The following MUC17 variants were observed in gnomAD, a reference collection of about 807,000 sequenced individuals.
MUC17 encodes mucin-17.
In MUC17, 190 loss-of-function variants were observed where a neutral mutation model predicts 170.3. The observed-to-expected ratio is 1.12, with a 90% CI of 0.99 to 1.26. MUC17 has a LOEUF of 1.26. Ranked by LOEUF, MUC17 falls within the 50% of genes most tolerant of loss-of-function variation. The pLI, the probability that MUC17 is intolerant of heterozygous loss-of-function variation, is 0.00. For synonymous variants in MUC17, 2,325 were observed against 2,002.5 expected (o/e 1.16, Z -4.30); for missense variants, 6,415 against 5,530.0 (o/e 1.16, Z -5.08).
Position 101,037,721 on chromosome 7 carries a change from C to T in MUC17, c.6305C>T (p.Pro2102Leu). 5 of 1,613,426 alleles carry T rather than the reference C, an allele frequency of 3.1e-6. No homozygotes were observed. Among genetic ancestry groups the T allele is most frequent in the Non-Finnish European group, 4.2e-6 (5 of 1,179,824 alleles). ...MTISAPSEGSPLLTSIPLSTT... is the reference protein window; with the variant it reads ...MTISAPSEGSLLLTSIPLSTT... ...ATCTCAGCTCCTAGTGAAGGAAGTC[C>T]TCTACTAACAAGTATACCTCTCAGC... Residue 2102 changes from proline (P) to leucine (L), a missense_variant, in exon 3 of 13, where the codon CCT becomes CTT. Pro to Leu is a moderately conservative substitution (Grantham distance 98). Coordinates refer to ENST00000306151, the MANE Select transcript of MUC17 (RefSeq NM_001040105.2).
intron 11 of MUC17, 128 bp from the exon 12 acceptor site, chr7:101,056,066 C>G: frequency 7.6e-7 from 1 of 1,318,146 alleles, no homozygotes; most frequent in Non-Finnish European, 1.0e-6. Flanking sequence ...GTCACATTTT[C>G]AAGGGTTTGC....
At position 101,038,322 on chromosome 7, in the gene MUC17, T is replaced by C; in HGVS notation, c.6906T>C (p.Thr2302=). 1 of 1,613,288 alleles carries C rather than the reference T, an allele frequency of 6.2e-7. No individual in the cohort carries two copies. The highest frequency in any genetic ancestry group is 1.1e-5 in the South Asian group (1 of 91,026). The part of the protein sequence containing the change: ...ANSEVSTLST[T]PVDSNTPFTT... ...CTGAGGTTAGCACCCTTTCAACAAC[T>C]CCTGTTGACTCCAACACTCCTTTCA... Residue 2302 remains threonine (T), a synonymous_variant, in exon 3 of 13, where the codon ACT becomes ACC. Coordinates refer to ENST00000306151, the MANE Select transcript of MUC17 (RefSeq NM_001040105.2).
At chr7:101,049,446 G>A in intron 6 of MUC17, 64 bp downstream of exon 6, 2 of 1,569,048 alleles carry the variant, frequency 1.3e-6, no homozygotes, top group East Asian at 4.5e-5. Flanking sequence ...AGTTATAAAG[G>A]CAATTAGAAC....
chr7:101,054,183 A>G (rs1399426699), intron 11 of MUC17, among the ~76,000 whole-genome samples: 2 of 151,802 alleles, frequency 1.3e-5, no homozygotes, highest in African/African-American at 4.8e-5. Context: ...CTCCACAGCT[A>G]AAACCTTATT....
chr7:101,042,047 C>G lies in MUC17; in HGVS notation c.10631C>G (p.Ser3544Cys), dbSNP rs1201990402. ...ACCCTTTCAACAACTCCTGTTGACTCCAACACTTTTGTTACCAGTTCTAGT... is the reference window on the plus strand; with the variant it reads ...ACCCTTTCAACAACTCCTGTTGACTGCAACACTTTTGTTACCAGTTCTAGT... ...ASTLSTTPVD[S>C]NTFVTSSSQA... Residue 3544 changes from serine to cysteine, a missense_variant, in exon 3 of 13, where the codon TCC (serine) becomes TGC (cysteine). Ser to Cys is a moderately radical substitution (Grantham distance 112, BLOSUM62 -1). Coordinates refer to ENST00000306151, the MANE Select transcript of MUC17 (RefSeq NM_001040105.2). 2.5e-6 allele frequency: 4 copies of G among 1,613,574 alleles called. No individual in the cohort carries two copies. Among genetic ancestry groups the G allele is most frequent in the Non-Finnish European group, 2.5e-6 (3 of 1,179,904 alleles).
chr7:101,041,422 A>C lies in MUC17; in HGVS notation c.10006A>C (p.Ser3336Arg). The change falls in exon 3 of 13, where the codon AGT becomes CGT. Residue 3336 changes from serine (S) to arginine (R), a missense_variant. Coordinates refer to ENST00000306151, the MANE Select transcript of MUC17 (RefSeq NM_001040105.2). ...TACTAGCATGCCAACCTCAACTTAT[A>C]GTGAAGGAAGCACTCCACTAACAAA... ...DGTSMPTSTY[S>R]EGSTPLTNMS... 6.2e-7 allele frequency: 1 copy of C among 1,614,130 alleles called. No homozygotes were observed. The highest frequency in any genetic ancestry group is 8.5e-7 in the Non-Finnish European group (1 of 1,180,022).
chr7:101,027,947 T>A (rs1426778870), intron 1 of MUC17, among the ~76,000 whole-genome samples: 1 of 151,822 alleles, frequency 6.6e-6, no homozygotes, highest in African/African-American at 2.4e-5. Context: ...AATTTTTGTA[T>A]TTTTTGTTGA....
At chr7:101,049,599 G>C (rs957854912) in intron 6 of MUC17, among the ~76,000 whole-genome samples, 6 of 152,120 alleles carry the variant, frequency 3.9e-5, no homozygotes, top group Admixed American at 2.6e-4. Context: ...TTCTCTGGAG[G>C]CCTCTCTCCT....
intron 3 of MUC17, among the ~76,000 whole-genome samples, chr7:101,045,732 C>T (rs1194851574): frequency 6.6e-6 from 1 of 152,086 alleles, no homozygotes; most frequent in African/African-American, 2.4e-5. Flanking sequence ...GGATTGTCTC[C>T]AATATATCTT....
Position 101,035,676 on chromosome 7 carries a change from T to A in MUC17, c.4260T>A (p.Pro1420=), listed in dbSNP as rs778038950. 1.1e-5 allele frequency: 17 copies of A among 1,608,310 alleles called. No individual in the cohort carries two copies. The highest frequency in any genetic ancestry group is 2.2e-5 in the East Asian group (1 of 44,828). The change falls in exon 3 of 13, where the codon CCT becomes CCA. Residue 1420 remains proline (P), a synonymous_variant. Coordinates refer to ENST00000306151, the MANE Select transcript of MUC17 (RefSeq NM_001040105.2). ...SSEASTLSAT[P]VDTSTPGTTS... ...AGGCTAGCACCCTTTCAGCAACTCC[T>A]GTTGACACCAGCACCCCTGGGACCA...
intron 12 of MUC17, among the ~76,000 whole-genome samples, chr7:101,056,977 G>A (rs1795057057): frequency 6.6e-6 from 1 of 151,848 alleles, no homozygotes; most frequent in Non-Finnish European, 1.5e-5. Context: ...TAGGATGGTT[G>A]TCTTGAAAAA....
chr7:101,050,367 T>G (rs1422667868), intron 6 of MUC17, 117 bp from the exon 7 acceptor site: 2 of 1,451,516 alleles, frequency 1.4e-6, no homozygotes, highest in African/African-American at 2.8e-5. Flanking sequence ...TCACCCCAAC[T>G]GTCCTGCCCC....
At position 101,048,063 on chromosome 7, in the gene MUC17, C is replaced by T. The variant is rs1345177390; in HGVS notation, c.12483C>T (p.Pro4161=). The change falls in exon 4 of 13, where the codon CCC becomes CCT. Residue 4161 remains proline, a synonymous_variant. Transcript: ENST00000306151. ...GTWDGLKCQC[P]NLYYGELCEE... Reference sequence around the variant, plus strand: ...GGGATGGGCTCAAGTGCCAGTGTCCCAACCTCTATTATGGGGAGTTGTGTG... The same window carrying T: ...GGGATGGGCTCAAGTGCCAGTGTCCTAACCTCTATTATGGGGAGTTGTGTG... 9.3e-6 allele frequency: 15 copies of T among 1,606,216 alleles called. No homozygotes were observed. Among genetic ancestry groups the T allele is most frequent in the Non-Finnish European group, 1.0e-5 (12 of 1,176,810 alleles).
intron 10 of MUC17, 28 bp from the exon 11 acceptor site, chr7:101,053,310 TG>T: frequency 6.2e-7 from 1 of 1,604,916 alleles, no homozygotes; most frequent in Non-Finnish European, 8.5e-7. Context: ...CCAATCCTAA[TG>T]GGGTCTCTCT....
At position 101,028,374 on chromosome 7, in the gene MUC17, C is replaced by T. The variant is rs113573158; in HGVS notation, c.83-2746C>T. Reference sequence around the variant, plus strand: ...AAAGTGCTGGGATTACAGGCATAAGCCACCGCGTCCAGATCATTTTTTCTT... The same window carrying T: ...AAAGTGCTGGGATTACAGGCATAAGTCACCGCGTCCAGATCATTTTTTCTT... On this transcript the variant is annotated intron_variant, in intron 1 of 12. Transcript: ENST00000306151. Among the ~76,000 whole-genome samples the T allele has an allele frequency of 7.2e-3, 1,095 of 152,140 alleles. 18 individuals are homozygous for T. The highest frequency in any genetic ancestry group is 0.025 in the African/African-American group (1,032 of 41,532).
chr7:101,027,493 C>G (rs951514252), intron 1 of MUC17, among the ~76,000 whole-genome samples: 16 of 152,274 alleles, frequency 1.1e-4, no homozygotes, highest in African/African-American at 3.8e-4. Context: ...TTGTTCATTT[C>G]ATCTAAGTTG....
In MUC17 at chr7:101,035,460, G is replaced by T; in HGVS notation, c.4044G>T (p.Leu1348=). Residue 1348 remains leucine, a synonymous_variant, in exon 3 of 13, where the codon CTG becomes CTT. Coordinates refer to ENST00000306151, the MANE Select transcript of MUC17 (RefSeq NM_001040105.2). The part of the protein sequence containing the change: ...PLTSIPVNTT[L]VASSAISILS... ...CAAGTATACCTGTCAACACCACACTGGTGGCCAGTTCTGCAATCAGCATCC... is the reference window on the plus strand; with the variant it reads ...CAAGTATACCTGTCAACACCACACTTGTGGCCAGTTCTGCAATCAGCATCC... 6.2e-7 allele frequency: 1 copy of T among 1,600,822 alleles called. No individual in the cohort carries two copies.
In MUC17 at chr7:101,043,075, A is replaced by G. The variant is rs147541511; in HGVS notation, c.11659A>G (p.Thr3887Ala). 3.7e-6 allele frequency: 6 copies of G among 1,614,002 alleles called. No individual in the cohort carries two copies. The African/African-American group carries it at 6.7e-5, about 18-fold the overall frequency. Residue 3887 changes from threonine (T) to alanine (A), a missense_variant, in exon 3 of 13, where the codon ACT becomes GCT. Thr to Ala is a moderately conservative substitution (Grantham distance 58). Coordinates refer to ENST00000306151, the MANE Select transcript of MUC17 (RefSeq NM_001040105.2). Reference sequence around the variant, plus strand: ...TCTCCTTGTCAGCACCACACTTCCAACTAGCTTTCCTGGGGCCAGCATAGC... The same window carrying G: ...TCTCCTTGTCAGCACCACACTTCCAGCTAGCTTTCCTGGGGCCAGCATAGC... ...TTLLVSTTLPTSFPGASIAST... is the reference protein window; with the variant it reads ...TTLLVSTTLPASFPGASIAST...
Position 101,037,295 on chromosome 7 carries a change from A to T in MUC17, c.5879A>T (p.Tyr1960Phe), listed in dbSNP as rs1023261275. The T allele has an allele frequency of 3.1e-6, 5 of 1,612,436 alleles. No homozygotes were observed. The African/African-American group carries it at 4.0e-5, about 13-fold the overall frequency. ...LADTRTPVTT[Y>F]SQASSSPTTA... ...GACACCAGGACACCTGTGACCACTT[A>T]TTCTCAAGCCAGTTCATCTCCTACA... The change falls in exon 3 of 13, where the codon TAT (tyrosine) becomes TTT (phenylalanine). Residue 1960 changes from tyrosine (Y) to phenylalanine (F), a missense_variant. By Grantham distance (22) the Tyr-to-Phe change is conservative. Transcript: ENST00000306151.
Sources: allele counts gnomAD v4.1 joint callset (sites outside exome capture counted in the v4.1 genomes callset), GRCh38; gene constraint gnomAD v4.1.1; transcripts MANE v1.5; gene names NCBI Gene and HGNC (gene_info 2026-07-23, HGNC 2026-07-21).